The following DOC2B variants were observed in gnomAD, a reference collection of about 807,000 sequenced individuals.
DOC2B encodes double C2 domain beta.
A neutral mutation model predicts 28.9 loss-of-function variants in DOC2B; 21 were observed. That is an observed-to-expected ratio of 0.73 (90% CI 0.52 to 1.05). DOC2B has a LOEUF of 1.05. DOC2B is among the 50% of genes least tolerant of loss of function. The pLI, the probability that DOC2B is intolerant of heterozygous loss-of-function variation, is 0.00. For synonymous variants in DOC2B, 194 were observed against 178.1 expected, an observed-to-expected ratio of 1.09 and a Z score of -0.71; for missense variants, 384 against 421.1, an observed-to-expected ratio of 0.91 and a Z score of 0.77.
At chr17:179,782 C>T (rs1179638874) in intron 1 of DOC2B, among the ~76,000 whole-genome samples, 2 of 152,272 alleles carry the variant, frequency 1.3e-5, no homozygotes, top group Non-Finnish European at 2.9e-5. Context: ...CCCCCACGCC[C>T]CAGGGCAGGG....
intron 2 of DOC2B, among the ~76,000 whole-genome samples, chr17:164,782 G>T (rs1428913105): frequency 2.0e-5 from 3 of 152,200 alleles, no homozygotes; most frequent in African/African-American, 7.2e-5. Flanking sequence ...CACAGCCAGA[G>T]GCACACAGAA....
At chr17:153,229 G>A (rs2040091939) in intron 6 of DOC2B, among the ~76,000 whole-genome samples, 1 of 152,220 alleles carries the variant, frequency 6.6e-6, no homozygotes, top group Non-Finnish European at 1.5e-5. Context: ...GCAGCCACCT[G>A]TGGCAGGGAG....
Position 164,153 on chromosome 17 carries a change from G to A in DOC2B, c.505C>T (p.His169Tyr). 2 of 1,553,644 alleles carry A rather than the reference G, an allele frequency of 1.3e-6. No homozygotes were observed. Among genetic ancestry groups the A allele is most frequent in the South Asian group, 2.4e-5 (2 of 84,256 alleles). The part of the protein sequence containing the change: ...NGLADPYVKL[H>Y]LLPGASKANK... ...ACCTTACTGGCTCCTGGCAGCAGGT[G>A]CAGCTTGACGTAGGGGTCTGCCAGC... The change falls in exon 3 of 9, where the codon CAC (histidine) becomes TAC (tyrosine). Residue 169 changes from histidine to tyrosine, a missense_variant. By Grantham distance (83) the His-to-Tyr change is moderately conservative. Coordinates refer to ENST00000613549, the MANE Select transcript of DOC2B (RefSeq NM_003585.5).
chr17:177,221 C>G (rs1035629202), intron 1 of DOC2B, among the ~76,000 whole-genome samples: 1 of 152,148 alleles, frequency 6.6e-6, no homozygotes, highest in African/African-American at 2.4e-5. Context: ...CCCTGCTTCC[C>G]AGGAGCTTAG....
At chr17:170,503 C>G (rs1236974140) in intron 2 of DOC2B, among the ~76,000 whole-genome samples, 1 of 151,934 alleles carries the variant, frequency 6.6e-6, no homozygotes. Flanking sequence ...AGGGGGCCTG[C>G]AGGTTGGGAG....
intron 3 of DOC2B, among the ~76,000 whole-genome samples, chr17:163,204 G>A (rs2040224638): frequency 6.6e-6 from 1 of 152,172 alleles, no homozygotes; most frequent in Non-Finnish European, 1.5e-5. Flanking sequence ...AAGGGTCACT[G>A]AGCACACTTC....
chr17:169,065 T>C (rs1384839952), intron 2 of DOC2B, among the ~76,000 whole-genome samples: 4 of 152,104 alleles, frequency 2.6e-5, no homozygotes, highest in African/African-American at 4.8e-5. Flanking sequence ...AACCTAGCCC[T>C]GCCCCGCCCT....
At chr17:179,961 T>G (rs1308394077) in intron 1 of DOC2B, among the ~76,000 whole-genome samples, 3 of 152,208 alleles carry the variant, frequency 2.0e-5, no homozygotes, top group Non-Finnish European at 4.4e-5. Flanking sequence ...ATCCCTACCT[T>G]CAGCTTCTGG....
rs1388828808 is a variant in DOC2B, at chr17:162,087, G to T, written c.632C>A (p.Thr211Asn). 6.5e-7 allele frequency: 1 copy of T among 1,550,004 alleles called. No individual in the cohort carries two copies. The highest frequency in any genetic ancestry group is 1.4e-5 in the African/African-American group (1 of 73,150). Residue 211 changes from threonine (T) to asparagine (N), a missense_variant, in exon 4 of 9, where the codon ACC becomes AAC. Physicochemically the swap from Thr to Asn is moderately conservative, Grantham distance 65. Coordinates refer to ENST00000613549, the MANE Select transcript of DOC2B (RefSeq NM_003585.5). Reference sequence around the variant, plus strand: ...GCCTGGGACCCTCACCCACCGCAGGGTCTTGCGGATCATGTCTTCATCTGT... The same window carrying T: ...GCCTGGGACCCTCACCCACCGCAGGTTCTTGCGGATCATGTCTTCATCTGT... ...GITDEDMIRK[T>N]LRISVCDEDK... is the part of the protein sequence containing the mutation.
chr17:162,460 A>G (rs896738778), intron 3 of DOC2B, among the ~76,000 whole-genome samples: 6 of 152,196 alleles, frequency 3.9e-5, no homozygotes, highest in Non-Finnish European at 8.8e-5. Context: ...GTCACCAAGG[A>G]AGGGGGCCAG....
rs746312456 is a variant in DOC2B, at chr17:153,801, CAT to C, written c.923+2417_923+2418del. ...GTCAATGACAAATCAGAAGAAAAAA[CAT>C]ATATATACGCAAACCAGTATCCTAC... On this transcript the variant is annotated intron_variant, in intron 6 of 8. Coordinates refer to ENST00000613549, the MANE Select transcript of DOC2B (RefSeq NM_003585.5). Among the ~76,000 whole-genome samples, 4 of 151,808 alleles carry C rather than the reference CAT, an allele frequency of 2.6e-5. No homozygotes were observed. The South Asian group carries it at 8.3e-4, about 31-fold the overall frequency.
chr17:150,002 C>A (rs904667038), intron 6 of DOC2B, among the ~76,000 whole-genome samples: 9 of 152,290 alleles, frequency 5.9e-5, no homozygotes, highest in Non-Finnish European at 1.2e-4. Context: ...AGATGTTCTT[C>A]CCTCCACAGC....
rs2040438564 is a variant in DOC2B, at chr17:181,194, GGCCCGGGCTGGA to G, written c.274_285del (p.Ser92_Gly95del). ...CGCGCGGGGCTGGGACCCGGGCTGG[GGCCCGGGCTGGA>G]GCCGTAGGCTCCGAAGAGCTGGTCC... is the stretch of plus-strand genomic sequence containing the variant. On this transcript the variant is annotated inframe_deletion, in exon 1 of 9. Transcript: ENST00000613549. The surrounding 1 kb of genome is among the most constrained non-coding windows in gnomAD (Gnocchi z 7.0). 5 of 1,237,272 alleles carry G rather than the reference GGCCCGGGCTGGA, an allele frequency of 4.0e-6. No individual in the cohort carries two copies. In the South Asian group the frequency reaches 1.4e-4, roughly 34 times the overall value. The allele number at this position is 1,237,272 out of a possible 1,614,324, so 76.6% of individuals were successfully genotyped here. A position where few individuals can be genotyped will look rare whatever the true frequency, so the allele number is the denominator to read the frequency against.
chr17:150,264 T>G (rs983960075), intron 6 of DOC2B, among the ~76,000 whole-genome samples: 11 of 152,170 alleles, frequency 7.2e-5, no homozygotes, highest in Non-Finnish European at 2.9e-5. Context: ...TTGTCCCTGC[T>G]GAATGTGCTC....
At chr17:158,644 G>A (rs1208327041) in intron 5 of DOC2B, among the ~76,000 whole-genome samples, 1 of 152,236 alleles carries the variant, frequency 6.6e-6, no homozygotes, top group Admixed American at 6.5e-5. Flanking sequence ...GATCAGGCCA[G>A]GCCTGCGAGA....
At position 145,655 on chromosome 17, in the gene DOC2B, G is replaced by A. The variant is rs2040013216; in HGVS notation, c.*1786C>T. 6.6e-6 allele frequency: 1 copy of A among 152,528 alleles called. No individual in the cohort carries two copies. Among genetic ancestry groups the A allele is most frequent in the South Asian group, 2.1e-4 (1 of 4,836 alleles). 9.4% of individuals were successfully genotyped at this position (152,528 alleles called of 1,614,324 possible). ...TCATAACCCTGGACCTCAGGTGGTG[G>A]TGTGCTTTGTGTCTGCAGTGGAAGG... On this transcript the variant is annotated 3_prime_UTR_variant, in exon 9 of 9. Coordinates refer to ENST00000613549, the MANE Select transcript of DOC2B (RefSeq NM_003585.5).
chr17:176,391 T>TGG (rs1330499759), intron 1 of DOC2B, among the ~76,000 whole-genome samples: 3,130 of 75,948 alleles, frequency 0.041, 116 homozygotes, highest in African/African-American at 0.12. Context: ...GTGGTGTTGG[T>TGG]GCGGGGGGTG....
Position 144,941 on chromosome 17 carries a change from C to G in DOC2B, c.*2500G>C, listed in dbSNP as rs1242789282. The G allele has an allele frequency of 6.6e-6, 1 of 152,202 alleles. No individual in the cohort carries two copies. 9.4% of individuals were successfully genotyped at this position (152,202 alleles called of 1,614,324 possible). On this transcript the variant is annotated 3_prime_UTR_variant, in exon 9 of 9. Transcript: ENST00000613549. Reference sequence around the variant, plus strand: ...GTCTTCAGAGAGGCTGTCAAATCTCCTCTCTGAATGAGACCCCCAAAAAAG... The same window carrying G: ...GTCTTCAGAGAGGCTGTCAAATCTCGTCTCTGAATGAGACCCCCAAAAAAG...
Position 161,486 on chromosome 17 carries a change from G to C in DOC2B, c.694C>G (p.Arg232Gly). ...GGTTTCAGCTTCTTCAGGGGCACAC[G>C]TGTCTCCCCGATGAACTCATTGTGC... is the stretch of plus-strand genomic sequence containing the variant. ...FRHNEFIGET[R>G]VPLKKLKPNH... Residue 232 changes from arginine to glycine, a missense_variant, in exon 5 of 9, where the codon CGT becomes GGT. Coordinates refer to ENST00000613549, the MANE Select transcript of DOC2B (RefSeq NM_003585.5). The C allele has an allele frequency of 6.4e-7, 1 of 1,551,742 alleles. No homozygotes were observed. The highest frequency in any genetic ancestry group is 8.7e-7 in the Non-Finnish European group (1 of 1,147,002).
Sources: gnomAD v4.1 joint callset for allele counts (sites outside exome capture counted in the v4.1 genomes callset) on GRCh38, gnomAD v4.1.1 for gene constraint, Gnocchi (gnomAD v3.1) non-coding constraint, MANE v1.5 for transcripts, NCBI Gene and HGNC (gene_info 2026-07-23, HGNC 2026-07-21) for gene names.